The following KIAA1217 variants were observed in gnomAD, a reference collection of about 807,000 sequenced individuals.
KIAA1217 encodes KIAA1217, also known as sickle tail protein homolog.
Under a neutral mutation model 163.9 loss-of-function variants are expected in KIAA1217, and 88 were observed. That is an observed-to-expected ratio of 0.54 (90% CI 0.45 to 0.64). The LOEUF (loss-of-function observed/expected upper bound fraction) is 0.64. Among genes scored for constraint, KIAA1217 ranks in the 30% least tolerant of loss-of-function variants. The pLI is 0.00. For synonymous variants in KIAA1217, 903 were observed against 923.1 expected, an observed-to-expected ratio of 0.98 and a Z score of 0.39; for missense variants, 2,372 against 2,475.0, an observed-to-expected ratio of 0.96 and a Z score of 0.88.
chr10:24,128,132 T>C (rs1021198985), intron 2 of KIAA1217, among the ~76,000 whole-genome samples: 1 of 152,240 alleles, frequency 6.6e-6, no homozygotes, highest in Non-Finnish European at 1.5e-5. Context: ...GTTAGCTGCA[T>C]GATGAGAGCG....
intron 1 of KIAA1217, among the ~76,000 whole-genome samples, chr10:23,886,631 G>T (rs1331818718): frequency 6.6e-6 from 1 of 151,974 alleles, no homozygotes; most frequent in East Asian, 1.9e-4. Context: ...AATGACAGTT[G>T]AACAGGAGAA....
chr10:23,710,399 C>T (rs1188660741), intron 1 of KIAA1217, among the ~76,000 whole-genome samples: 1 of 152,198 alleles, frequency 6.6e-6, no homozygotes, highest in Non-Finnish European at 1.5e-5. Flanking sequence ...GACACTTCTG[C>T]ATCTGATATT....
At chr10:24,491,773 T>C (rs1307562484) in intron 6 of KIAA1217, among the ~76,000 whole-genome samples, 1 of 152,156 alleles carries the variant, frequency 6.6e-6, no homozygotes. Context: ...AGTCTCTACA[T>C]AAATGAGACC....
intron 2 of KIAA1217, among the ~76,000 whole-genome samples, chr10:24,277,300 G>T (rs1268036809): frequency 6.6e-6 from 1 of 152,196 alleles, no homozygotes; most frequent in Non-Finnish European, 1.5e-5. Flanking sequence ...ATGTTTCTGA[G>T]GTTGACCCTG....
intron 2 of KIAA1217, among the ~76,000 whole-genome samples, chr10:24,171,522 C>T (rs577239810): frequency 1.8e-4 from 27 of 152,232 alleles, no homozygotes; most frequent in Non-Finnish European, 3.4e-4. Context: ...TAATGATGAT[C>T]GGCTGGGCAC....
At chr10:23,998,996 T>G (rs1846623096) in intron 1 of KIAA1217, among the ~76,000 whole-genome samples, 1 of 151,906 alleles carries the variant, frequency 6.6e-6, no homozygotes, top group Admixed American at 6.6e-5. Context: ...GCAGACTAGA[T>G]CTCTATCATT....
intron 5 of KIAA1217, among the ~76,000 whole-genome samples, chr10:24,442,853 G>A (rs1468739974): frequency 8.6e-5 from 13 of 151,432 alleles, no homozygotes; most frequent in Non-Finnish European, 1.9e-4. Flanking sequence ...GCCACTGCCT[G>A]TACCAGTATT....
In KIAA1217 at chr10:24,354,316, C is replaced by T. The variant is rs531587505; in HGVS notation, c.355-26553C>T. ...CTAGTCTATCTGGCCACCTAGTGAGCACTCAAACCCCTTACAGGAGGGGGA... is the reference window on the plus strand; with the variant it reads ...CTAGTCTATCTGGCCACCTAGTGAGTACTCAAACCCCTTACAGGAGGGGGA... On this transcript the variant is annotated intron_variant, in intron 2 of 20. Coordinates refer to ENST00000376454, the MANE Select transcript of KIAA1217 (RefSeq NM_019590.5). 1.3e-5 allele frequency among the ~76,000 whole-genome samples: 2 copies of T among 152,272 alleles called. 1 individual carries two copies. Among genetic ancestry groups the T allele is most frequent in the East Asian group, 3.9e-4 (2 of 5,176 alleles).
At chr10:24,162,900 C>A (rs1370809889) in intron 2 of KIAA1217, among the ~76,000 whole-genome samples, 1 of 152,168 alleles carries the variant, frequency 6.6e-6, no homozygotes, top group African/African-American at 2.4e-5. Context: ...CCAAAGGCTG[C>A]CTGAGCAATT....
chr10:24,241,926 A>G (rs1351023198), intron 2 of KIAA1217, among the ~76,000 whole-genome samples: 1 of 151,982 alleles, frequency 6.6e-6, no homozygotes, highest in African/African-American at 2.4e-5. Context: ...AGGCTCATCG[A>G]GGGGGATTCT....
intron 2 of KIAA1217, among the ~76,000 whole-genome samples, chr10:24,276,816 G>A (rs1232981948): frequency 1.3e-5 from 2 of 151,834 alleles, no homozygotes; most frequent in African/African-American, 4.8e-5. Flanking sequence ...CACCATATTG[G>A]CCAGGCTGGT....
Position 23,929,822 on chromosome 10 carries a change from G to A in KIAA1217, c.-320-77403G>A, listed in dbSNP as rs111826749. Among the ~76,000 whole-genome samples the A allele has an allele frequency of 8.0e-3, 1,213 of 152,308 alleles. 20 individuals carry two copies. The highest frequency in any genetic ancestry group is 0.027 in the African/African-American group (1,137 of 41,558). Reference sequence around the variant, plus strand: ...TTATTTTCCTTTGGATATATACCCAGTGATGGGGTTGCTGGGTCAGATGGT... The same window carrying A: ...TTATTTTCCTTTGGATATATACCCAATGATGGGGTTGCTGGGTCAGATGGT... On this transcript the variant is annotated intron_variant, in intron 1 of 18. Transcript: ENST00000376462.
At chr10:23,809,245 A>T (rs1168278812) in intron 1 of KIAA1217, among the ~76,000 whole-genome samples, 1 of 152,102 alleles carries the variant, frequency 6.6e-6, no homozygotes, top group African/African-American at 2.4e-5. Flanking sequence ...TTAACAATGG[A>T]TATTTAAGAA....
intron 2 of KIAA1217, among the ~76,000 whole-genome samples, chr10:24,200,750 C>T (rs2067218389): frequency 6.6e-6 from 1 of 152,100 alleles, no homozygotes; most frequent in Non-Finnish European, 1.5e-5. Flanking sequence ...TGAGCTCTTC[C>T]AGCTGAGCCT....
intron 1 of KIAA1217, among the ~76,000 whole-genome samples, chr10:23,893,872 G>A (rs1841540220): frequency 6.6e-6 from 1 of 151,924 alleles, no homozygotes; most frequent in Non-Finnish European, 1.5e-5. Flanking sequence ...CATATAAACA[G>A]AACCAAAGGC....
At chr10:24,442,559 T>A (rs1171243450) in intron 5 of KIAA1217, among the ~76,000 whole-genome samples, 1 of 152,310 alleles carries the variant, frequency 6.6e-6, no homozygotes, top group East Asian at 1.9e-4. Flanking sequence ...ATGCATTCTG[T>A]TGAAGAAAAA....
At chr10:23,836,456 C>T (rs1297809131) in intron 1 of KIAA1217, among the ~76,000 whole-genome samples, 2 of 151,288 alleles carry the variant, frequency 1.3e-5, no homozygotes, top group African/African-American at 4.9e-5. Context: ...AGGAGGGAGG[C>T]CTCAGAACAA....
At chr10:24,154,902 G>C (rs2064804375) in intron 2 of KIAA1217, among the ~76,000 whole-genome samples, 1 of 150,894 alleles carries the variant, frequency 6.6e-6, no homozygotes, top group Non-Finnish European at 1.5e-5. Flanking sequence ...ACTCCAGCCT[G>C]GGCAACAGAG....
At chr10:23,989,685 A>G (rs1360793266) in intron 1 of KIAA1217, among the ~76,000 whole-genome samples, 1 of 152,178 alleles carries the variant, frequency 6.6e-6, no homozygotes, top group Non-Finnish European at 1.5e-5. Context: ...ACTTTTAATT[A>G]GGGATTTTTA....
Sources: allele counts gnomAD v4.1 joint callset (sites outside exome capture counted in the v4.1 genomes callset), GRCh38; gene constraint gnomAD v4.1.1; transcripts MANE v1.5; gene names NCBI Gene and HGNC (gene_info 2026-07-23, HGNC 2026-07-21).